FHIT: variants seen among roughly 807,000 people sequenced by gnomAD.
The protein encoded by FHIT is bis(5'-adenosyl)-triphosphatase.
A neutral mutation model predicts 17.9 loss-of-function variants in FHIT; 19 were observed. The ratio of observed to expected loss-of-function variants is 1.06; its 90% CI spans 0.74 to 1.56. The LOEUF (loss-of-function observed/expected upper bound fraction) is 1.56, where lower values mean the gene tolerates loss of function less well. Ranked by LOEUF, FHIT falls within the 40% of genes most tolerant of loss-of-function variation. The pLI is 0.00. For synonymous variants in FHIT, 81 were observed against 69.7 expected, an observed-to-expected ratio of 1.16 and a Z score of -0.81; for missense variants, 248 against 189.2, an observed-to-expected ratio of 1.31 and a Z score of -1.82.
chr3:59,933,801 A>G (rs1011505545), intron 7 of FHIT, among the ~76,000 whole-genome samples: 9 of 152,166 alleles, frequency 5.9e-5, no homozygotes, highest in African/African-American at 1.9e-4. Flanking sequence ...CATGCCAGGA[A>G]ATTTTATTTC....
Position 60,688,427 on chromosome 3 carries a change from T to G in FHIT, c.-18+133492A>C, listed in dbSNP as rs184347105. On this transcript the variant is annotated intron_variant, in intron 4 of 9. Coordinates refer to ENST00000492590, the MANE Select transcript of FHIT (RefSeq NM_002012.4). ...CTATTTGGTCAAATTATGTTTTGTG[T>G]TTTTTTTTTTGTTTTTTTTTTTAGA... Among the ~76,000 whole-genome samples, 791 of 141,740 alleles carry G rather than the reference T, an allele frequency of 5.6e-3. 6 individuals carry two copies. Among genetic ancestry groups the G allele is most frequent in the African/African-American group, 0.019 (680 of 36,340 alleles). 93.0% of individuals were successfully genotyped at this position (141,740 alleles called of 152,430 possible). A position where few individuals can be genotyped will look rare whatever the true frequency, so the allele number is the denominator to read the frequency against.
intron 4 of FHIT, among the ~76,000 whole-genome samples, chr3:60,788,578 C>G (rs931769706): frequency 6.6e-6 from 1 of 152,056 alleles, no homozygotes; most frequent in Admixed American, 6.6e-5. Context: ...GACGTGGATA[C>G]TAGGGGCTGA....
At chr3:60,753,775 G>A (rs1285112936) in intron 4 of FHIT, among the ~76,000 whole-genome samples, 1 of 152,228 alleles carries the variant, frequency 6.6e-6, no homozygotes, top group South Asian at 2.1e-4. Context: ...ATTAGGTATT[G>A]AACTGCCTGC....
chr3:60,723,804 A>G (rs955905882), intron 4 of FHIT, among the ~76,000 whole-genome samples: 5 of 152,210 alleles, frequency 3.3e-5, no homozygotes, highest in African/African-American at 9.7e-5. Flanking sequence ...CCACCAATGC[A>G]GGGACTCATT....
intron 5 of FHIT, among the ~76,000 whole-genome samples, chr3:60,531,391 G>T (rs1290395809): frequency 6.7e-6 from 1 of 148,586 alleles, no homozygotes; most frequent in East Asian, 2.0e-4. Flanking sequence ...CCATTCTCCT[G>T]CCTCAGCCTC....
chr3:60,196,938 C>A (rs537402543), intron 5 of FHIT, among the ~76,000 whole-genome samples: 8 of 152,156 alleles, frequency 5.3e-5, no homozygotes, highest in Non-Finnish European at 1.2e-4. Context: ...CAGGTAAGTA[C>A]ATACAGCCAT....
intron 7 of FHIT, among the ~76,000 whole-genome samples, chr3:59,952,326 C>T (rs1707158069): frequency 6.6e-6 from 1 of 152,130 alleles, no homozygotes; most frequent in Non-Finnish European, 1.5e-5. Context: ...CATAGGTGGC[C>T]ATTGCACCAC....
intron 4 of FHIT, among the ~76,000 whole-genome samples, chr3:60,633,292 C>T (rs1173792322): frequency 2.0e-5 from 3 of 152,134 alleles, no homozygotes; most frequent in African/African-American, 4.8e-5. Context: ...GAGCAAGTGA[C>T]TTAACCCCCA....
intron 7 of FHIT, among the ~76,000 whole-genome samples, chr3:59,959,631 T>C (rs1293372305): frequency 6.6e-6 from 1 of 152,198 alleles, no homozygotes; most frequent in Non-Finnish European, 1.5e-5. Flanking sequence ...CAACAGATAT[T>C]TACCATGTAA....
intron 8 of FHIT, among the ~76,000 whole-genome samples, chr3:59,854,057 A>G (rs1702051612): frequency 6.6e-6 from 1 of 152,190 alleles, no homozygotes; most frequent in South Asian, 2.1e-4. Context: ...AAAAACAACA[A>G]CAAATCATTT....
intron 3 of FHIT, among the ~76,000 whole-genome samples, chr3:60,840,270 C>G (rs1310451381): frequency 6.6e-6 from 1 of 152,124 alleles, no homozygotes; most frequent in African/African-American, 2.4e-5. Context: ...CATTCCTTTG[C>G]TAATAAAGAT....
chr3:59,847,092 GC>G (rs1701750383), intron 8 of FHIT, among the ~76,000 whole-genome samples: 1 of 152,030 alleles, frequency 6.6e-6, no homozygotes, highest in Admixed American at 6.5e-5. Context: ...ATTTTGGTGA[GC>G]TTTTTGATGT....
chr3:60,163,900 C>T (rs564417428), intron 5 of FHIT, among the ~76,000 whole-genome samples: 1 of 152,172 alleles, frequency 6.6e-6, no homozygotes, highest in African/African-American at 2.4e-5. Context: ...CTTCAGAGCA[C>T]TGGCTCCAGA....
At chr3:60,868,637 A>C (rs17064090) in intron 3 of FHIT, among the ~76,000 whole-genome samples, 13 of 152,126 alleles carry the variant, frequency 8.5e-5, no homozygotes, top group Non-Finnish European at 1.6e-4. Context: ...TTTGTAACAT[A>C]TTTCTGAATG....
chr3:60,943,909 C>T (rs782620791), intron 3 of FHIT, among the ~76,000 whole-genome samples: 1 of 152,074 alleles, frequency 6.6e-6, no homozygotes, highest in African/African-American at 2.4e-5. Flanking sequence ...TAAGTGAATC[C>T]ACTTGTCATC....
In FHIT at chr3:60,762,918, C is replaced by T. The variant is rs180674988; in HGVS notation, c.-18+59001G>A. Among the ~76,000 whole-genome samples, 242 of 152,214 alleles carry T rather than the reference C, an allele frequency of 1.6e-3. 3 individuals are homozygous for T. Among genetic ancestry groups the T allele is most frequent in the African/African-American group, 5.2e-3 (217 of 41,534 alleles). On this transcript the variant is annotated intron_variant, in intron 4 of 9. Transcript: ENST00000492590. ...GCAGATTTTGGACTGAGATCTCAGC[C>T]TTCATAATCATGTGAGTGAACGGCT...
chr3:60,061,381 T>C (rs1702288600), intron 5 of FHIT, among the ~76,000 whole-genome samples: 1 of 152,210 alleles, frequency 6.6e-6, no homozygotes, highest in Non-Finnish European at 1.5e-5. Flanking sequence ...GTTTCCTCTC[T>C]GGTTTGCGTC....
At chr3:60,419,397 T>C (rs919828469) in intron 5 of FHIT, among the ~76,000 whole-genome samples, 2 of 152,220 alleles carry the variant, frequency 1.3e-5, no homozygotes, top group Admixed American at 6.5e-5. Flanking sequence ...TTGCCAAATG[T>C]TAAACAAGGG....
chr3:60,774,555 C>T (rs555599860), intron 4 of FHIT, among the ~76,000 whole-genome samples: 5 of 152,254 alleles, frequency 3.3e-5, no homozygotes, highest in African/African-American at 1.2e-4. Context: ...CCCACCTTGA[C>T]CTCCCAAAGA....
Sources: allele counts gnomAD v4.1 joint callset (sites outside exome capture counted in the v4.1 genomes callset), GRCh38; gene constraint gnomAD v4.1.1; transcripts MANE v1.5; gene names NCBI Gene and HGNC (gene_info 2026-07-23, HGNC 2026-07-21).